The following LYVE1 variants were observed in gnomAD, a reference collection of about 807,000 sequenced individuals.
LYVE1 encodes the protein lymphatic vessel endothelial hyaluronic acid receptor 1.
In LYVE1, 29 loss-of-function variants were observed where a neutral mutation model predicts 31.5. The ratio of observed to expected loss-of-function variants is 0.92; its 90% CI spans 0.69 to 1.26. The LOEUF (loss-of-function observed/expected upper bound fraction) is 1.26. LYVE1 is among the 50% of genes most tolerant of loss of function. The pLI is 0.00. For synonymous variants in LYVE1, 134 were observed against 139.4 expected (o/e 0.96, Z 0.27); for missense variants, 376 against 380.2 (o/e 0.99, Z 0.09).
chr11:10,564,286 C>T lies in LYVE1; in HGVS notation c.174G>A (p.Lys58=), dbSNP rs533207553. ...ANQQLNFTEA[K]EACRLLGLSL... ...TTAGTCCCAGCAGCCTACAGGCCTC[C>T]TTAGCTTCTGTGAAATTCAGCTGCT... is the stretch of plus-strand genomic sequence containing the variant. Residue 58 remains lysine, a synonymous_variant, in exon 2 of 6, where the codon AAG becomes AAA. Transcript: ENST00000256178. 1.9e-6 allele frequency: 3 copies of T among 1,614,242 alleles called. No individual in the cohort carries two copies. The highest frequency in any genetic ancestry group is 2.5e-6 in the Non-Finnish European group (3 of 1,180,036).
chr11:10,564,226 C>G lies in LYVE1; in HGVS notation c.234G>C (p.Leu78Phe). 6.2e-7 allele frequency: 1 copy of G among 1,614,104 alleles called. No homozygotes were observed. Among genetic ancestry groups the G allele is most frequent in the Non-Finnish European group, 8.5e-7 (1 of 1,179,914 alleles). ...LAGKDQVETA[L>F]KASFETCSYG... ...ACCTGCAAGTTTCAAAGCTAGCTTT[C>G]AAGGCTGTTTCAACTTGGTCCTTGC... The change falls in exon 2 of 6, where the codon TTG (leucine) becomes TTC (phenylalanine). Residue 78 changes from leucine (L) to phenylalanine (F), a missense_variant. Coordinates refer to ENST00000256178, the MANE Select transcript of LYVE1 (RefSeq NM_006691.4).
chr11:10,565,287 A>G (rs894046345), intron 1 of LYVE1, among the ~76,000 whole-genome samples: 9 of 152,242 alleles, frequency 5.9e-5, no homozygotes, highest in Non-Finnish European at 1.2e-4. Flanking sequence ...TTGAATAGGT[A>G]AGATATGAAT....
intron 1 of LYVE1, among the ~76,000 whole-genome samples, chr11:10,566,600 G>A (rs1397726623): frequency 6.6e-6 from 1 of 152,116 alleles, no homozygotes; most frequent in African/African-American, 2.4e-5. Context: ...GGAATGGATT[G>A]CAGAGGTTTA....
intron 1 of LYVE1, among the ~76,000 whole-genome samples, chr11:10,565,316 C>A (rs1850513570): frequency 6.6e-6 from 1 of 152,200 alleles, no homozygotes; most frequent in African/African-American, 2.4e-5. Context: ...TACTCAAAAT[C>A]TAATGGATTT....
chr11:10,559,029 C>A lies in LYVE1; in HGVS notation c.*82G>T, dbSNP rs529181619. 2.3e-6 allele frequency: 3 copies of A among 1,315,384 alleles called. No homozygotes were observed. The highest frequency in any genetic ancestry group is 3.0e-5 in the African/African-American group (2 of 67,370). The allele number at this position is 1,315,384 out of a possible 1,614,324, so 81.5% of individuals were successfully genotyped here. A position where few individuals can be genotyped will look rare whatever the true frequency, so the allele number is the denominator to read the frequency against. On this transcript the variant is annotated 3_prime_UTR_variant, in exon 6 of 6. Transcript: ENST00000256178. ...TGGACTTTCTTCTTTGGTTCTTTGGCCCTTTTGATTTCCCCAGCTGGGGCA... is the reference window on the plus strand; with the variant it reads ...TGGACTTTCTTCTTTGGTTCTTTGGACCTTTTGATTTCCCCAGCTGGGGCA...
Position 10,560,642 on chromosome 11 carries a change from G to C in LYVE1, c.556C>G (p.Pro186Ala). Reference sequence around the variant, plus strand: ...GGAATAGAAGTGGAAGCTGGAGCAGGAGGAGTAGTAGTAGGGGCAGGTATT... The same window carrying C: ...GGAATAGAAGTGGAAGCTGGAGCAGCAGGAGTAGTAGTAGGGGCAGGTATT... ...STIPAPTTTP[P>A]APASTSIPRR... Residue 186 changes from proline (P) to alanine (A), a missense_variant, in exon 4 of 6, where the codon CCT becomes GCT. Transcript: ENST00000256178. 1 of 1,613,904 alleles carries C rather than the reference G, an allele frequency of 6.2e-7. No individual in the cohort carries two copies. The highest frequency in any genetic ancestry group is 8.5e-7 in the Non-Finnish European group (1 of 1,179,948).
chr11:10,559,138 G>T lies in LYVE1; in HGVS notation c.942C>A (p.Thr314=). Residue 314 remains threonine, a synonymous_variant, in exon 6 of 6, where the codon ACC becomes ACA. Transcript: ENST00000256178. ...PEESKSPSKT[T]VRCLEAEV ...AAACTTCAGCTTCCAGGCATCGCACGGTAGTTTTGCTTGGACTCTTGGACT... is the reference window on the plus strand; with the variant it reads ...AAACTTCAGCTTCCAGGCATCGCACTGTAGTTTTGCTTGGACTCTTGGACT... 6.2e-7 allele frequency: 1 copy of T among 1,613,904 alleles called. No individual in the cohort carries two copies. The highest frequency in any genetic ancestry group is 8.5e-7 in the Non-Finnish European group (1 of 1,179,928).
chr11:10,566,411 G>A (rs553801119), intron 1 of LYVE1, among the ~76,000 whole-genome samples: 3 of 152,048 alleles, frequency 2.0e-5, no homozygotes, highest in East Asian at 1.9e-4. Flanking sequence ...TGCCCAACCC[G>A]GCCCCCAGTT....
At chr11:10,568,076 G>A (rs998535193) in intron 1 of LYVE1, among the ~76,000 whole-genome samples, 28 of 152,136 alleles carry the variant, frequency 1.8e-4, no homozygotes, top group Admixed American at 5.9e-4. Context: ...GAGGCAGGAC[G>A]ATCACTTGAA....
At chr11:10,559,775 T>C in intron 5 of LYVE1, 41 bp downstream of exon 5, 3 of 1,572,118 alleles carry the variant, frequency 1.9e-6, no homozygotes, top group Non-Finnish European at 2.6e-6. Context: ...GATAGAAACA[T>C]GACAAAGATT....
intron 1 of LYVE1, among the ~76,000 whole-genome samples, chr11:10,567,756 G>A (rs565602043): frequency 2.2e-4 from 33 of 152,202 alleles, no homozygotes; most frequent in Non-Finnish European, 2.8e-4. Flanking sequence ...GTAGACAGCC[G>A]ATGGCTTAAT....
At chr11:10,564,501 G>C (rs988773983) in intron 1 of LYVE1, 127 bp from the exon 2 acceptor site, 1 of 771,604 alleles carries the variant, frequency 1.3e-6, no homozygotes, top group African/African-American at 1.7e-5. Context: ...CTGGGGTTTA[G>C]AATAACAGGA....
Position 10,564,271 on chromosome 11 carries a change from C to G in LYVE1, c.189G>C (p.Leu63=). The change falls in exon 2 of 6, where the codon CTG becomes CTC. Residue 63 remains leucine, a synonymous_variant. Transcript: ENST00000256178. ...CCTTGCCGGCCAAACTTAGTCCCAG[C>G]AGCCTACAGGCCTCCTTAGCTTCTG... ...NFTEAKEACR[L]LGLSLAGKDQ... is the part of the protein sequence containing the mutation. The G allele has an allele frequency of 6.2e-7, 1 of 1,614,238 alleles. No homozygotes were observed. Among genetic ancestry groups the G allele is most frequent in the Non-Finnish European group, 8.5e-7 (1 of 1,180,038 alleles).
chr11:10,567,406 T>C (rs765032992), intron 1 of LYVE1, among the ~76,000 whole-genome samples: 7 of 152,278 alleles, frequency 4.6e-5, no homozygotes, highest in Middle Eastern at 3.4e-3. Context: ...AATGGCAGCA[T>C]TGTGGGGAAA....
At chr11:10,560,035 A>G (rs1591512874) in intron 4 of LYVE1, 141 bp from the exon 5 acceptor site, 1 of 585,010 alleles carries the variant, frequency 1.7e-6, no homozygotes, top group East Asian at 2.9e-5. Flanking sequence ...TTGGGCCCAC[A>G]CCAGCTTCTT....
chr11:10,559,221 TCTC>T lies in LYVE1; in HGVS notation c.856_858del (p.Glu286del), dbSNP rs1362076478. ...TCATTAGGGTTGCTATCATTGGCCT[TCTC>T]CTCCTTTACTACTTTGGTTTCGATC... On this transcript the variant is annotated inframe_deletion, in exon 6 of 6. Coordinates refer to ENST00000256178, the MANE Select transcript of LYVE1 (RefSeq NM_006691.4). The T allele has an allele frequency of 1.1e-5, 17 of 1,614,074 alleles. No homozygotes were observed. Among genetic ancestry groups the T allele is most frequent in the Admixed American group, 1.7e-5 (1 of 60,014 alleles).
Position 10,568,264 on chromosome 11 carries a change from G to A in LYVE1, c.85+184C>T, listed in dbSNP as rs549345948. On this transcript the variant is annotated intron_variant, in intron 1 of 5. Coordinates refer to ENST00000256178, the MANE Select transcript of LYVE1 (RefSeq NM_006691.4). ...AAGTAAAAGTCCAGATGATACAAAC[G>A]TAAATGTCAATCATTTTGGTGAAGT... 3.9e-5 allele frequency among the ~76,000 whole-genome samples: 6 copies of A among 152,302 alleles called. No homozygotes were observed. The South Asian group carries it at 8.3e-4, about 21-fold the overall frequency.
At chr11:10,561,979 A>T (rs866748495) in intron 3 of LYVE1, among the ~76,000 whole-genome samples, 2 of 152,222 alleles carry the variant, frequency 1.3e-5, no homozygotes, top group Non-Finnish European at 2.9e-5. Context: ...TAAAAATAAA[A>T]TAATAAAATA....
chr11:10,560,351 T>G (rs1850396005), intron 4 of LYVE1, 144 bp downstream of exon 4: 1 of 682,064 alleles, frequency 1.5e-6, no homozygotes, highest in African/African-American at 1.8e-5. Flanking sequence ...ATTCTATGAC[T>G]TCATGAAAGT....
Sources: allele counts gnomAD v4.1 joint callset (sites outside exome capture counted in the v4.1 genomes callset), GRCh38; gene constraint gnomAD v4.1.1; transcripts MANE v1.5; gene names NCBI Gene and HGNC (gene_info 2026-07-23, HGNC 2026-07-21).